F11: variants seen among roughly 807,000 people sequenced by gnomAD.
F11 encodes coagulation factor XI.
Under a neutral mutation model 76.5 loss-of-function variants are expected in F11, and 78 were observed. That is an observed-to-expected ratio of 1.02 (90% CI 0.85 to 1.23). The LOEUF is 1.23. F11 is among the 50% of genes most tolerant of loss of function. The pLI is 0.00. For synonymous variants in F11, 278 were observed against 276.3 expected (o/e 1.01, Z -0.06); for missense variants, 742 against 771.4 (o/e 0.96, Z 0.45).
chr4:186,282,098 G>C, intron 10 of F11: 1 of 1,175,268 alleles, frequency 8.5e-7, no homozygotes, highest in Non-Finnish European at 1.1e-6. Context: ...ACTTCTAAGC[G>C]TTAGAAGGGA....
At chr4:186,267,635 C>T (rs189522800) in intron 2 of F11, among the ~76,000 whole-genome samples, 57 of 152,330 alleles carry the variant, frequency 3.7e-4, no homozygotes, top group Non-Finnish European at 6.0e-4. Context: ...GTTAATTCTC[C>T]ACCCTATGTC....
chr4:186,281,349 G>T (rs1253181705), intron 10 of F11, among the ~76,000 whole-genome samples: 1 of 152,178 alleles, frequency 6.6e-6, no homozygotes, highest in African/African-American at 2.4e-5. Context: ...TCTTTATTCA[G>T]ATTCCATGCA....
chr4:186,271,557 G>A (rs981069534), intron 2 of F11, 52 bp from the exon 3 acceptor site: 1 of 1,601,964 alleles, frequency 6.2e-7, no homozygotes, highest in East Asian at 2.2e-5. Context: ...CACCTAACTA[G>A]ATGTATGCCC....
rs1310562533 is a variant in F11 at position 186,271,934 on chromosome 4, G to A, written c.218+163G>A. Among the ~76,000 whole-genome samples the A allele has an allele frequency of 3.3e-5, 5 of 152,028 alleles. No individual in the cohort carries two copies. The East Asian group carries it at 5.8e-4, about 18-fold the overall frequency. On this transcript the variant is annotated intron_variant, in intron 3 of 14. Coordinates refer to ENST00000403665, the MANE Select transcript of F11 (RefSeq NM_000128.4). ...TACAGAAAGAAGTGATGGTGTTTAC[G>A]CAATTTAGAAAAGAATAAATATGCC... is the stretch of plus-strand genomic sequence containing the variant.
At chr4:186,282,822 G>A (rs1740897282) in intron 10 of F11, 1 of 985,170 alleles carries the variant, frequency 1.0e-6, no homozygotes, top group African/African-American at 1.7e-5. Flanking sequence ...GCTGTTAGCT[G>A]CTGTTTCCTT....
Position 186,280,339 on chromosome 4 carries a change from C to T in F11, c.982C>T (p.Gln328Ter). The T allele has an allele frequency of 6.2e-7, 1 of 1,614,166 alleles. No individual in the cohort carries two copies. The highest frequency in any genetic ancestry group is 8.5e-7 in the Non-Finnish European group (1 of 1,180,044). The change falls in exon 9 of 15, where the codon CAG (glutamine) becomes TAG (stop). Residue 328 changes from glutamine to a stop codon, truncating the protein, a stop_gained. Transcript: ENST00000403665. LOFTEE classifies it high-confidence loss of function. The stretch of plus-strand genomic sequence containing the variant: ...ACTGTGCACCAATGCCGTCCGCTGC[C>T]AGTTTTTTACCTATACCCCAGCCCA... Reference protein sequence around the residue: ...QKLCTNAVRCQFFTYTPAQAS... With the variant: ...QKLCTNAVRC
chr4:186,273,236 C>T (rs1740115697), intron 4 of F11, 59 bp downstream of exon 4: 14 of 1,313,592 alleles, frequency 1.1e-5, no homozygotes, highest in Admixed American at 5.0e-5. Flanking sequence ...ATCGCCACAT[C>T]GGATGTGGTT....
chr4:186,278,920 G>A (rs954747352), intron 7 of F11, among the ~76,000 whole-genome samples: 14 of 152,274 alleles, frequency 9.2e-5, no homozygotes, highest in African/African-American at 2.6e-4. Context: ...TAAGAAAGAT[G>A]TCATTGTCAC....
In F11 at chr4:186,267,174, T is replaced by C. The variant is rs1158492804; in HGVS notation, c.38T>C (p.Phe13Ser). 1 of 1,578,614 alleles carries C rather than the reference T, an allele frequency of 6.3e-7. No homozygotes were observed. The highest frequency in any genetic ancestry group is 1.7e-5 in the Admixed American group (1 of 59,988). ...TATCAAGTGGTACATTTCATTTTAT[T>C]TACTTCAGTTTCTGGTGGTAAGTAG... The part of the protein sequence containing the change: ...FLYQVVHFIL[F>S]TSVSGECVTQ... The change falls in exon 2 of 15, where the codon TTT becomes TCT. Residue 13 changes from phenylalanine to serine, a missense_variant. Physicochemically the swap from Phe to Ser is radical, Grantham distance 155 (BLOSUM62 -2). Coordinates refer to ENST00000403665, the MANE Select transcript of F11 (RefSeq NM_000128.4).
At position 186,288,568 on chromosome 4, in the gene F11, T is replaced by G. The variant is rs1011114515; in HGVS notation, c.1832T>G (p.Val611Gly). The G allele has an allele frequency of 6.2e-7, 1 of 1,614,124 alleles. No homozygotes were observed. Among genetic ancestry groups the G allele is most frequent in the East Asian group, 2.2e-5 (1 of 44,868 alleles). Reference sequence around the variant, plus strand: ...GAGCGGCCAGGTGTTTACACCAACGTGGTCGAGTACGTGGACTGGATTCTG... The same window carrying G: ...GAGCGGCCAGGTGTTTACACCAACGGGGTCGAGTACGTGGACTGGATTCTG... ...QRERPGVYTN[V>G]VEYVDWILEK... is the part of the protein sequence containing the mutation. The change falls in exon 15 of 15, where the codon GTG (valine) becomes GGG (glycine). Residue 611 changes from valine to glycine, a missense_variant. By Grantham distance (109) the Val-to-Gly change is moderately radical. Coordinates refer to ENST00000403665, the MANE Select transcript of F11 (RefSeq NM_000128.4).
intron 1 of F11, among the ~76,000 whole-genome samples, chr4:186,266,858 G>GCGGCGGGGC (rs1363945706): frequency 2.6e-5 from 4 of 152,126 alleles, no homozygotes; most frequent in African/African-American, 7.2e-5. Context: ...AACACAGAGA[G>GCGGCGGGGC]CGGCGGGGCC....
intron 12 of F11, 53 bp downstream of exon 12, chr4:186,285,866 GT>G (rs767114988): frequency 7.1e-5 from 112 of 1,578,796 alleles, no homozygotes; most frequent in South Asian, 1.0e-4. Flanking sequence ...TGGATAAAAT[GT>G]TTAACACTAC....
At chr4:186,268,223 G>T (rs1739651736) in intron 2 of F11, among the ~76,000 whole-genome samples, 1 of 152,058 alleles carries the variant, frequency 6.6e-6, no homozygotes, top group Non-Finnish European at 1.5e-5. Flanking sequence ...ACAACAATTT[G>T]CATAGTATTT....
At chr4:186,290,613 G>A (rs1220227771), downstream of F11, 1 of 152,170 alleles carries the variant, frequency 6.6e-6, no homozygotes, top group Non-Finnish European at 1.5e-5. Context: ...TTTGTATAAT[G>A]TCTTAATTTT....
At position 186,274,133 on chromosome 4, in the gene F11, T is replaced by G; in HGVS notation, c.343T>G (p.Tyr115Asp). ...HQISACNKDI[Y>D]VDLDMKGINY... ...ATTTCCAGCTTGCAACAAAGACATT[T>G]ATGTGGACCTAGACATGAAGGGCAT... is the stretch of plus-strand genomic sequence containing the variant. Residue 115 changes from tyrosine to aspartate, a missense_variant, in exon 5 of 15, where the codon TAT becomes GAT. Tyr to Asp is a radical substitution (Grantham distance 160). Transcript: ENST00000403665. 1 of 1,614,146 alleles carries G rather than the reference T, an allele frequency of 6.2e-7. No individual in the cohort carries two copies. Among genetic ancestry groups the G allele is most frequent in the Admixed American group, 1.7e-5 (1 of 60,024 alleles).
chr4:186,283,247 G>GTT (rs1740928297), intron 10 of F11: 1 of 146,728 alleles, frequency 6.8e-6, no homozygotes, highest in African/African-American at 2.7e-5. Context: ...GTGTGTTTGT[G>GTT]TGCACGTGTG....
intron 7 of F11, among the ~76,000 whole-genome samples, chr4:186,277,111 G>A (rs1740446974): frequency 6.6e-6 from 1 of 152,066 alleles, no homozygotes; most frequent in Non-Finnish European, 1.5e-5. Flanking sequence ...CTCTGTGCCT[G>A]TGTACACTTT....
chr4:186,282,266 G>T (rs1196403897), intron 10 of F11: 1 of 985,196 alleles, frequency 1.0e-6, no homozygotes, highest in Non-Finnish European at 1.2e-6. Flanking sequence ...AGAAGTTACA[G>T]AATATGCCAG....
intron 7 of F11, among the ~76,000 whole-genome samples, chr4:186,279,627 T>C (rs539215595): frequency 6.6e-6 from 1 of 152,276 alleles, no homozygotes; most frequent in Admixed American, 6.5e-5. Context: ...ACGACGGACT[T>C]CACCCATCTC....
Sources: gnomAD v4.1 joint callset for allele counts (sites outside exome capture counted in the v4.1 genomes callset) on GRCh38, gnomAD v4.1.1 for gene constraint, MANE v1.5 for transcripts, NCBI Gene and HGNC (gene_info 2026-07-23, HGNC 2026-07-21) for gene names.